The following TMEM87B variants were observed in gnomAD, a reference collection of about 807,000 sequenced individuals.
TMEM87B encodes the protein transmembrane protein 87B.
Under a neutral mutation model 80.3 loss-of-function variants are expected in TMEM87B, and 83 were observed. The observed-to-expected ratio is 1.03, with a 90% CI of 0.87 to 1.24. The LOEUF (loss-of-function observed/expected upper bound fraction) is 1.24, where lower values mean the gene tolerates loss of function less well. Among genes scored for constraint, TMEM87B ranks in the 50% most tolerant of loss-of-function variants. The pLI is 0.00. For missense variants in TMEM87B, 625 were observed against 674.4 expected (o/e 0.93, Z 0.81); for synonymous variants, 219 against 230.5 (o/e 0.95, Z 0.45).
intron 1 of TMEM87B, among the ~76,000 whole-genome samples, chr2:112,057,277 T>G (rs1678105184): frequency 6.6e-6 from 1 of 152,214 alleles, no homozygotes; most frequent in South Asian, 2.1e-4. Flanking sequence ...TTTGTTTCTT[T>G]GTTTTTGTTT....
At chr2:112,085,077 T>A (rs1679103938) in intron 8 of TMEM87B, among the ~76,000 whole-genome samples, 1 of 152,254 alleles carries the variant, frequency 6.6e-6, no homozygotes. Context: ...TAGGGCCAGA[T>A]TTGGCCCATG....
At chr2:112,068,531 C>T (rs1002535772) in intron 4 of TMEM87B, among the ~76,000 whole-genome samples, 5 of 151,786 alleles carry the variant, frequency 3.3e-5, no homozygotes, top group Non-Finnish European at 2.9e-5. Flanking sequence ...AGTGAAACCT[C>T]GTCTCTACTA....
intron 3 of TMEM87B, among the ~76,000 whole-genome samples, chr2:112,065,463 A>C (rs60228516): frequency 0.096 from 14,618 of 151,892 alleles, 1,739 homozygotes; most frequent in African/African-American, 0.28. Flanking sequence ...CTGGGCAACA[A>C]GTGAGACCCT....
intron 13 of TMEM87B, 137 bp downstream of exon 13, chr2:112,097,428 GA>G (rs1679503859): frequency 1.1e-6 from 1 of 885,836 alleles, no homozygotes; most frequent in Non-Finnish European, 1.6e-6. Context: ...ATTTTTTACA[GA>G]GTTATAAAAA....
chr2:112,113,344 G>T (rs1478759341), intron 18 of TMEM87B, among the ~76,000 whole-genome samples: 1 of 152,174 alleles, frequency 6.6e-6, no homozygotes, highest in Non-Finnish European at 1.5e-5. Flanking sequence ...GGATCACTTG[G>T]ACATTAAGTT....
At position 112,055,673 on chromosome 2, in the gene TMEM87B, G is replaced by C. The variant is rs1573670777; in HGVS notation, c.82G>C (p.Val28Leu). 2.5e-6 allele frequency: 4 copies of C among 1,585,778 alleles called. No individual in the cohort carries two copies. The highest frequency in any genetic ancestry group is 3.4e-6 in the Non-Finnish European group (4 of 1,169,016). ...CFPARAPLLR[V>L]ALCLLCWTPA... ...TCCCGCCCGGGCCCCGCTGCTGCGC[G>C]TCGCCCTCTGCCTCCTGTGCTGGAC... The change falls in exon 1 of 19, where the codon GTC (valine) becomes CTC (leucine). Residue 28 changes from valine to leucine, a missense_variant. Transcript: ENST00000283206.
At position 112,108,301 on chromosome 2, in the gene TMEM87B, A is replaced by G. The variant is rs182763705; in HGVS notation, c.1577+461A>G. Among the ~76,000 whole-genome samples, 22 of 152,344 alleles carry G rather than the reference A, an allele frequency of 1.4e-4. 1 individual carries two copies. Among genetic ancestry groups the G allele is most frequent in the Admixed American group, 1.4e-3 (22 of 15,308 alleles). On this transcript the variant is annotated intron_variant, in intron 17 of 18. Transcript: ENST00000283206. Reference sequence around the variant, plus strand: ...ACAAGAATTCCAGATAGCTGTTTCCATAGTGAAAAATAGAATAGCCAAGTA... The same window carrying G: ...ACAAGAATTCCAGATAGCTGTTTCCGTAGTGAAAAATAGAATAGCCAAGTA...
At chr2:112,072,332 G>A (rs142778120) in intron 4 of TMEM87B, among the ~76,000 whole-genome samples, 2,295 of 152,108 alleles carry the variant, frequency 0.015, 68 homozygotes, top group African/African-American at 0.052. Flanking sequence ...TCAATTTTTT[G>A]GAATAGTTTC....
intron 2 of TMEM87B, among the ~76,000 whole-genome samples, chr2:112,063,863 G>T (rs1029462811): frequency 6.6e-6 from 1 of 152,226 alleles, no homozygotes. Context: ...GAATGAATAT[G>T]TGAGTGAGAA....
In TMEM87B at chr2:112,081,465, A is replaced by G; in HGVS notation, c.785A>G (p.Glu262Gly). ...GCTGTTATTTTTTTGGGAATGCTTG[A>G]AAAAGCAGTTTTTTATAGTGAATAC... ...IAAVIFLGML[E>G]KAVFYSEYQN... The change falls in exon 8 of 19, where the codon GAA becomes GGA. Residue 262 changes from glutamate to glycine, a missense_variant. Coordinates refer to ENST00000283206, the MANE Select transcript of TMEM87B (RefSeq NM_032824.3). 6.2e-7 allele frequency: 1 copy of G among 1,613,358 alleles called. No homozygotes were observed. The highest frequency in any genetic ancestry group is 8.5e-7 in the Non-Finnish European group (1 of 1,179,894).
At chr2:112,057,401 G>A (rs1476710472) in intron 1 of TMEM87B, among the ~76,000 whole-genome samples, 1 of 152,182 alleles carries the variant, frequency 6.6e-6, no homozygotes, top group Non-Finnish European at 1.5e-5. Flanking sequence ...TCAGTCTCCT[G>A]CGTAGCGAAG....
At chr2:112,068,025 C>T (rs1363487133) in intron 4 of TMEM87B, among the ~76,000 whole-genome samples, 2 of 152,048 alleles carry the variant, frequency 1.3e-5, no homozygotes, top group Non-Finnish European at 2.9e-5. Context: ...CCAGCCTAGC[C>T]AACATGGTGA....
At chr2:112,075,406 A>T (rs577226409) in intron 5 of TMEM87B, among the ~76,000 whole-genome samples, 2 of 152,222 alleles carry the variant, frequency 1.3e-5, no homozygotes, top group South Asian at 2.1e-4. Context: ...CCTCAAAAAA[A>T]AGTTTTCTTA....
At position 112,105,987 on chromosome 2, in the gene TMEM87B, T is replaced by C. The variant is rs1679754923; in HGVS notation, c.1451-15T>C. The C allele has an allele frequency of 1.3e-6, 2 of 1,542,146 alleles. No individual in the cohort carries two copies. The highest frequency in any genetic ancestry group is 1.4e-5 in the African/African-American group (1 of 71,226). On this transcript the variant is annotated splice_polypyrimidine_tract_variant and intron_variant, in intron 15 of 18. Transcript: ENST00000283206. ...TTTTGTGATTTTATATATATGTTTA[T>C]AATGTCTCTCGTAGCCGAAGGAATA...
rs764556140 is a variant in TMEM87B, at chr2:112,106,205, T to C, written c.1524+130T>C. On this transcript the variant is annotated intron_variant, in intron 16 of 18. Coordinates refer to ENST00000283206, the MANE Select transcript of TMEM87B (RefSeq NM_032824.3). ...TACTAAGATTTTGTTGTTGTTGTTA[T>C]AAAAATTAGTGTTGCCAAGTGCCAA... 5.1e-5 allele frequency: 32 copies of C among 632,548 alleles called. 1 individual carries two copies. The highest frequency in any genetic ancestry group is 8.8e-5 in the South Asian group (2 of 22,728). 39.2% of individuals were successfully genotyped at this position (632,548 alleles called of 1,614,324 possible).
In TMEM87B at chr2:112,055,463, C is replaced by G. The variant is rs932336007; in HGVS notation, c.-129C>G. ...GCGCCTCTCCGCCCAGGCCCAAGCGCGAGCCCCTCCTCCACACCCGAGTCC... is the reference window on the plus strand; with the variant it reads ...GCGCCTCTCCGCCCAGGCCCAAGCGGGAGCCCCTCCTCCACACCCGAGTCC... On this transcript the variant is annotated 5_prime_UTR_variant, in exon 1 of 19. Coordinates refer to ENST00000283206, the MANE Select transcript of TMEM87B (RefSeq NM_032824.3). 1.3e-4 allele frequency: 144 copies of G among 1,129,118 alleles called. No individual in the cohort carries two copies. The highest frequency in any genetic ancestry group is 1.5e-4 in the Non-Finnish European group (131 of 846,820). 69.9% of individuals were successfully genotyped at this position (1,129,118 alleles called of 1,614,324 possible).
At chr2:112,097,430 G>C in intron 13 of TMEM87B, 139 bp downstream of exon 13, 1 of 879,340 alleles carries the variant, frequency 1.1e-6, no homozygotes, top group Non-Finnish European at 1.7e-6. Context: ...TTTTTACAGA[G>C]TTATAAAAAC....
At chr2:112,064,347 A>G (rs918995749) in intron 3 of TMEM87B, 94 bp downstream of exon 3, 2 of 1,072,292 alleles carry the variant, frequency 1.9e-6, no homozygotes, top group Non-Finnish European at 2.8e-6. Context: ...CTAGAAATAG[A>G]GATTACAGTT....
In TMEM87B at chr2:112,067,798, A is replaced by G. The variant is rs1443648552; in HGVS notation, c.450+731A>G. ...GTCACCAGTAACTTCCATGTTGTTA[A>G]ATCCAATGGTCTGTTCCTCTTACCA... On this transcript the variant is annotated intron_variant, in intron 4 of 18. Coordinates refer to ENST00000283206, the MANE Select transcript of TMEM87B (RefSeq NM_032824.3). Among the ~76,000 whole-genome samples, 3 of 152,226 alleles carry G rather than the reference A, an allele frequency of 2.0e-5. No individual in the cohort carries two copies. In the East Asian group the frequency reaches 5.8e-4, roughly 29 times the overall value.
Sources: allele counts gnomAD v4.1 joint callset (sites outside exome capture counted in the v4.1 genomes callset), GRCh38; gene constraint gnomAD v4.1.1; transcripts MANE v1.5; gene names NCBI Gene and HGNC (gene_info 2026-07-23, HGNC 2026-07-21).